STIP1: variants seen among roughly 807,000 people sequenced by gnomAD.
The protein encoded by STIP1 is stress-induced-phosphoprotein 1.
Under a neutral mutation model 77.4 loss-of-function variants are expected in STIP1, and 16 were observed. That is an observed-to-expected ratio of 0.21 (90% CI 0.14 to 0.31). The LOEUF is 0.31. STIP1 is among the 10% of genes least tolerant of loss of function. The pLI is 1.00. For missense variants in STIP1, 524 were observed against 684.8 expected (o/e 0.77, Z 2.62); for synonymous variants, 258 against 246.6 (o/e 1.05, Z -0.44).
chr11:64,200,071 G>A (rs1343878959), intron 9 of STIP1, 35 bp downstream of exon 9: 2 of 1,613,946 alleles, frequency 1.2e-6, no homozygotes, highest in East Asian at 2.2e-5. Flanking sequence ...GGGGAGCAGT[G>A]CTGGGTGTGC....
chr11:64,198,634 A>T (rs536032683), intron 8 of STIP1, among the ~76,000 whole-genome samples: 1 of 152,102 alleles, frequency 6.6e-6, no homozygotes, highest in Non-Finnish European at 1.5e-5. Flanking sequence ...GGCGTAAGCC[A>T]CTATGCCTGG....
At chr11:64,191,953 C>T (rs1033091400) in intron 1 of STIP1, among the ~76,000 whole-genome samples, 6 of 151,836 alleles carry the variant, frequency 4.0e-5, no homozygotes, top group East Asian at 1.9e-4. Flanking sequence ...GTTGGGTGGC[C>T]GGGCAGAGGC....
chr11:64,203,398 A>C, intron 12 of STIP1, 52 bp from the exon 13 acceptor site: 1 of 1,608,384 alleles, frequency 6.2e-7, no homozygotes, highest in South Asian at 1.1e-5. Context: ...CTGCTGAAGC[A>C]GTGAGCTGGG....
chr11:64,195,313 A>T (rs900503553), intron 4 of STIP1, among the ~76,000 whole-genome samples: 1 of 151,962 alleles, frequency 6.6e-6, no homozygotes, highest in African/African-American at 2.4e-5. Flanking sequence ...GGTGGGTTTC[A>T]CCATGTTGGC....
At chr11:64,186,109 T>C (rs1946010885), upstream of STIP1, 6 of 1,550,318 alleles carry the variant, frequency 3.9e-6, no homozygotes, top group Non-Finnish European at 5.2e-6. Flanking sequence ...AGCACAGACA[T>C]TCCCCCTAGA....
At chr11:64,187,622 ATATT>A (rs993985572) in intron 1 of STIP1, among the ~76,000 whole-genome samples, 1 of 152,154 alleles carries the variant, frequency 6.6e-6, no homozygotes, top group African/African-American at 2.4e-5. Context: ...TGCCCATATA[ATATT>A]TCAGTTGTAT....
At chr11:64,199,086 A>G (rs865778606) in intron 8 of STIP1, among the ~76,000 whole-genome samples, 14 of 151,768 alleles carry the variant, frequency 9.2e-5, no homozygotes, top group East Asian at 3.9e-4. Flanking sequence ...TGTAATCCCA[A>G]TTACTCAGGA....
intron 1 of STIP1, among the ~76,000 whole-genome samples, chr11:64,189,898 T>G (rs1946072462): frequency 6.6e-6 from 1 of 152,200 alleles, no homozygotes; most frequent in African/African-American, 2.4e-5. Flanking sequence ...TTTTTATCCC[T>G]TGTTTGCTTA....
intron 1 of STIP1, among the ~76,000 whole-genome samples, chr11:64,188,850 C>T (rs1946058637): frequency 1.3e-5 from 2 of 152,192 alleles, no homozygotes; most frequent in African/African-American, 4.8e-5. Context: ...GGAAGCCATT[C>T]CTGAAAACAA....
Position 64,200,163 on chromosome 11 carries a change from C to T in STIP1, c.1121-6C>T. 1 of 1,610,048 alleles carries T rather than the reference C, an allele frequency of 6.2e-7. No homozygotes were observed. On this transcript the variant is annotated splice_region_variant and splice_polypyrimidine_tract_variant and intron_variant, in intron 9 of 13. Coordinates refer to ENST00000305218, the MANE Select transcript of STIP1 (RefSeq NM_006819.3). ...TTAAAAGACAGTCTTTGTTTTTCTT[C>T]CCCAGGGGACTATCCCCAGGCCATG...
At chr11:64,203,307 C>T in intron 12 of STIP1, 79 bp downstream of exon 12, 1 of 1,587,042 alleles carries the variant, frequency 6.3e-7, no homozygotes, top group Non-Finnish European at 8.6e-7. Flanking sequence ...TCCCTGATTT[C>T]TTCCCTGTCA....
intron 2 of STIP1, 91 bp downstream of exon 2, chr11:64,193,378 G>C: frequency 8.8e-7 from 1 of 1,136,306 alleles, no homozygotes; most frequent in East Asian, 2.4e-5. Context: ...CTGATACACT[G>C]ATAGTTACCT....
chr11:64,195,260 T>TC, intron 4 of STIP1, among the ~76,000 whole-genome samples: 1 of 152,036 alleles, frequency 6.6e-6, no homozygotes, highest in South Asian at 2.1e-4. Context: ...ATTACAGGTG[T>TC]ACGCCACCAC....
intron 1 of STIP1, among the ~76,000 whole-genome samples, chr11:64,187,751 C>T (rs1195829694): frequency 6.6e-6 from 1 of 152,194 alleles, no homozygotes; most frequent in East Asian, 1.9e-4. Context: ...CCTGTAATCC[C>T]AGCACTTTGG....
intron 10 of STIP1, chr11:64,202,659 C>G: frequency 1.7e-6 from 1 of 588,856 alleles, no homozygotes; most frequent in East Asian, 2.8e-5. Flanking sequence ...CTGGAATTGT[C>G]CCCCGCTATG....
At chr11:64,198,317 A>G (rs866650245) in intron 8 of STIP1, among the ~76,000 whole-genome samples, 1 of 152,002 alleles carries the variant, frequency 6.6e-6, no homozygotes, top group African/African-American at 2.4e-5. Context: ...GGTTCAAGCA[A>G]TTCTCCTGCC....
At chr11:64,186,313 GACCGGC>G in intron 1 of STIP1, 43 bp downstream of exon 1, 2 of 719,120 alleles carry the variant, frequency 2.8e-6, no homozygotes, top group South Asian at 3.1e-5. Flanking sequence ...CCTGCTCGGG[GACCGGC>G]GGTGGCCAGG....
At chr11:64,200,692 A>G (rs1309651893) in intron 10 of STIP1, among the ~76,000 whole-genome samples, 1 of 151,940 alleles carries the variant, frequency 6.6e-6, no homozygotes, top group Non-Finnish European at 1.5e-5. Flanking sequence ...GGTTGGCAGT[A>G]CATTGGAAGG....
intron 1 of STIP1, among the ~76,000 whole-genome samples, chr11:64,188,277 T>C (rs962182221): frequency 4.8e-5 from 7 of 145,936 alleles, no homozygotes; most frequent in Non-Finnish European, 1.0e-4. Flanking sequence ...CCGGGAGGCG[T>C]AGGTTGCAGT....
Sources: allele counts gnomAD v4.1 joint callset (sites outside exome capture counted in the v4.1 genomes callset), GRCh38; gene constraint gnomAD v4.1.1; transcripts MANE v1.5; gene names NCBI Gene and HGNC (gene_info 2026-07-23, HGNC 2026-07-21).